DLGAP4: variants seen among roughly 807,000 people sequenced by gnomAD.
DLGAP4 encodes the protein disks large-associated protein 4.
DLGAP4 carries 18 observed loss-of-function variants against 86.9 expected under a neutral mutation model. That is an observed-to-expected ratio of 0.21 (90% CI 0.14 to 0.31). The LOEUF (loss-of-function observed/expected upper bound fraction) is 0.31, where lower values mean the gene tolerates loss of function less well. DLGAP4 is among the 10% of genes least tolerant of loss of function. The pLI, the probability that DLGAP4 is intolerant of heterozygous loss-of-function variation, is 1.00. For synonymous variants in DLGAP4, 548 were observed against 574.3 expected (o/e 0.95, Z 0.65); for missense variants, 1,085 against 1,362.6 (o/e 0.80, Z 3.21).
chr20:36,351,649 G>A (rs974786755), intron 1 of DLGAP4, among the ~76,000 whole-genome samples: 7 of 151,934 alleles, frequency 4.6e-5, no homozygotes, highest in East Asian at 1.9e-4. Context: ...TGAATCATCC[G>A]GAAACCAGCC....
At chr20:36,461,986 GC>G in intron 7 of DLGAP4, 4 of 984,670 alleles carry the variant, frequency 4.1e-6, no homozygotes, top group Non-Finnish European at 4.8e-6. Flanking sequence ...CCCTCAGAGC[GC>G]CCCCAGATCT....
rs139222101 is a variant in DLGAP4 at position 36,499,648 on chromosome 20, A to T, written c.2071A>T (p.Ile691Phe). 6.2e-7 allele frequency: 1 copy of T among 1,613,894 alleles called. No individual in the cohort carries two copies. The change falls in exon 9 of 13, where the codon ATC becomes TTC. Residue 691 changes from isoleucine to phenylalanine, a missense_variant. Physicochemically the swap from Ile to Phe is conservative, Grantham distance 21 (BLOSUM62 0). Coordinates refer to ENST00000339266, the MANE Select transcript of DLGAP4 (RefSeq NM_001365621.2). Reference protein sequence around the residue: ...EPSPATKFQSIGVQVEDDWRS... With the variant: ...EPSPATKFQSFGVQVEDDWRS... ...CAGTCCCGCTACCAAATTCCAGTCC[A>T]TCGGGGTTCAGGTAGAGGACGACTG...
chr20:36,376,430 CA>C (rs1364333508), intron 2 of DLGAP4, among the ~76,000 whole-genome samples: 1 of 152,074 alleles, frequency 6.6e-6, no homozygotes. Context: ...AAGATTGTGC[CA>C]TTGCACTCCA....
At chr20:36,512,390 T>A (rs2036760514) in intron 10 of DLGAP4, among the ~76,000 whole-genome samples, 1 of 152,082 alleles carries the variant, frequency 6.6e-6, no homozygotes, top group South Asian at 2.1e-4. Flanking sequence ...TCCAACTGTA[T>A]GGCAAGGTGC....
chr20:36,441,153 C>A lies in DLGAP4; in HGVS notation c.1356+1285C>A, dbSNP rs113870608. Among the ~76,000 whole-genome samples, 31 of 152,152 alleles carry A rather than the reference C, an allele frequency of 2.0e-4. 1 individual carries two copies. Among genetic ancestry groups the A allele is most frequent in the Admixed American group, 1.9e-3 (29 of 15,280 alleles). ...GACCCTCCCTTGGCTCCCACCTCCC[C>A]CTGAGGGAAAGCCAGAGTCCTTACC... On this transcript the variant is annotated intron_variant, in intron 5 of 12. Transcript: ENST00000339266.
chr20:36,368,296 C>A (rs892526168), intron 2 of DLGAP4, among the ~76,000 whole-genome samples: 14 of 152,256 alleles, frequency 9.2e-5, no homozygotes, highest in Admixed American at 7.9e-4. Flanking sequence ...GTGGCCAGCC[C>A]CTCTGGTCCC....
intron 1 of DLGAP4, among the ~76,000 whole-genome samples, chr20:36,322,671 A>T (rs1459293630): frequency 6.6e-6 from 1 of 152,128 alleles, no homozygotes; most frequent in East Asian, 1.9e-4. Context: ...TGACTTTGCA[A>T]TAGGGTCACA....
intron 1 of DLGAP4, among the ~76,000 whole-genome samples, chr20:36,341,182 C>T (rs533047956): frequency 7.2e-5 from 11 of 152,296 alleles, no homozygotes; most frequent in African/African-American, 2.4e-4. Context: ...CTCAGGACCT[C>T]GGCCCGGCCA....
Position 36,317,114 on chromosome 20 carries a change from G to A in DLGAP4, c.-304+10602G>A, listed in dbSNP as rs931145784. On this transcript the variant is annotated intron_variant, in intron 1 of 12. Coordinates refer to ENST00000339266, the MANE Select transcript of DLGAP4 (RefSeq NM_001365621.2). ...GCCAGAGACTATTCTAGGCACTAGG[G>A]ATAATAATGTTAACCTCCAAGGAAG... Among the ~76,000 whole-genome samples the A allele has an allele frequency of 6.4e-4, 98 of 152,230 alleles. 1 individual carries two copies. Among genetic ancestry groups the A allele is most frequent in the Middle Eastern group, 6.8e-3 (2 of 294 alleles).
intron 10 of DLGAP4, among the ~76,000 whole-genome samples, chr20:36,518,605 G>A (rs973910816): frequency 6.6e-6 from 1 of 152,070 alleles, no homozygotes; most frequent in Non-Finnish European, 1.5e-5. Flanking sequence ...TTATTTAGAT[G>A]TGTAAATCTT....
Position 36,414,067 on chromosome 20 carries a change from G to A in DLGAP4, c.-72-17579G>A, listed in dbSNP as rs147114728. Reference sequence around the variant, plus strand: ...CTTTCCTATCCAGCTGGTCCCGTTTGCCCCTCACAAGAGCCCCACACCGTT... The same window carrying A: ...CTTTCCTATCCAGCTGGTCCCGTTTACCCCTCACAAGAGCCCCACACCGTT... On this transcript the variant is annotated intron_variant, in intron 2 of 12. Transcript: ENST00000339266. 6.4e-3 allele frequency among the ~76,000 whole-genome samples: 980 copies of A among 152,202 alleles called. 11 individuals carry two copies. The highest frequency in any genetic ancestry group is 0.022 in the African/African-American group (934 of 41,520).
chr20:36,408,355 C>T (rs1156241873), intron 2 of DLGAP4, among the ~76,000 whole-genome samples: 3 of 152,060 alleles, frequency 2.0e-5, no homozygotes, highest in Admixed American at 6.6e-5. Context: ...GCAGAATACA[C>T]AAGGCAGAGT....
rs2036089529 is a variant in DLGAP4 at position 36,500,353 on chromosome 20, G to T, written c.2254G>T (p.Ala752Ser). The T allele has an allele frequency of 4.3e-6, 7 of 1,613,088 alleles. No individual in the cohort carries two copies. The highest frequency in any genetic ancestry group is 2.2e-5 in the East Asian group (1 of 44,850). ...SISIDAGPRQ[A>S]PKIAQIKRNL... ...CAGCATCGATGCCGGTCCCCGGCAG[G>T]CCCCCAAGATTGCCCAGATCAAGCG... Residue 752 changes from alanine to serine, a missense_variant, in exon 10 of 13, where the codon GCC becomes TCC. Ala to Ser is a moderately conservative substitution (Grantham distance 99). Coordinates refer to ENST00000339266, the MANE Select transcript of DLGAP4 (RefSeq NM_001365621.2). This position sits in a 1 kb window ranked among gnomAD's most constrained non-coding sequence, Gnocchi z 4.6.
chr20:36,496,308 A>G (rs1303051426), intron 7 of DLGAP4, among the ~76,000 whole-genome samples: 1 of 152,112 alleles, frequency 6.6e-6, no homozygotes, highest in Non-Finnish European at 1.5e-5. Flanking sequence ...AAGGTTAACC[A>G]TTCCTTAGCT....
chr20:36,468,415 A>G (rs553135533), intron 7 of DLGAP4, among the ~76,000 whole-genome samples: 1 of 152,370 alleles, frequency 6.6e-6, no homozygotes, highest in Non-Finnish European at 1.5e-5. Context: ...CCCAGTGGGC[A>G]GAGGGAAAGG....
intron 2 of DLGAP4, among the ~76,000 whole-genome samples, chr20:36,423,591 T>C (rs12624831): frequency 1.4e-5 from 2 of 146,406 alleles, no homozygotes; most frequent in African/African-American, 5.1e-5. Flanking sequence ...TATAGTGAGG[T>C]GAGGAGGGGA....
intron 4 of DLGAP4, 30 bp from the exon 5 acceptor site, chr20:36,439,724 G>A (rs2033391494): frequency 6.3e-7 from 1 of 1,592,474 alleles, no homozygotes; most frequent in Admixed American, 1.7e-5. Context: ...TGGGTGGGCT[G>A]AGCCCTGTCT....
At chr20:36,525,523 T>C (rs1031000490) in intron 11 of DLGAP4, 7 of 387,408 alleles carry the variant, frequency 1.8e-5, no homozygotes, top group Non-Finnish European at 2.9e-5. Flanking sequence ...CGGGCTTCTC[T>C]CGGTGTCACT....
chr20:36,388,100 C>T (rs934900723), intron 2 of DLGAP4, among the ~76,000 whole-genome samples: 1 of 152,086 alleles, frequency 6.6e-6, no homozygotes, highest in South Asian at 2.1e-4. Context: ...TGCAAAGTCG[C>T]CCTAGGAGGG....
Sources: gnomAD v4.1 joint callset for allele counts (sites outside exome capture counted in the v4.1 genomes callset) on GRCh38, gnomAD v4.1.1 for gene constraint, Gnocchi (gnomAD v3.1) non-coding constraint, MANE v1.5 for transcripts, NCBI Gene and HGNC (gene_info 2026-07-23, HGNC 2026-07-21) for gene names.